PLCL1: variants seen among roughly 807,000 people sequenced by gnomAD.
The protein encoded by PLCL1 is phospholipase C like 1 (inactive), also known as inactive phospholipase C-like protein 1.
PLCL1 carries 41 observed loss-of-function variants against 84.4 expected under a neutral mutation model. The observed-to-expected ratio is 0.49, with a 90% CI of 0.38 to 0.63. The LOEUF (loss-of-function observed/expected upper bound fraction) is 0.63. Among genes scored for constraint, PLCL1 ranks in the 30% least tolerant of loss-of-function variants. The pLI, the probability that PLCL1 is intolerant of heterozygous loss-of-function variation, is 0.00. For synonymous variants in PLCL1, 490 were observed against 488.3 expected (o/e 1.00, Z -0.05); for missense variants, 1,206 against 1,367.8 (o/e 0.88, Z 1.87).
chr2:198,042,413 C>T (rs1198210033), intron 1 of PLCL1, among the ~76,000 whole-genome samples: 2 of 152,138 alleles, frequency 1.3e-5, no homozygotes, highest in African/African-American at 4.8e-5. Context: ...AGCACACCAG[C>T]TGAACCGGAA....
chr2:198,115,591 G>A (rs1426966544), intron 5 of PLCL1, among the ~76,000 whole-genome samples: 12 of 151,822 alleles, frequency 7.9e-5, no homozygotes, highest in African/African-American at 1.2e-4. Flanking sequence ...ATATACCTGA[G>A]ACTGGTTACT....
At chr2:197,880,037 C>A (rs1223554169) in intron 1 of PLCL1, among the ~76,000 whole-genome samples, 1 of 152,118 alleles carries the variant, frequency 6.6e-6, no homozygotes, top group Non-Finnish European at 1.5e-5. Context: ...AATTAGAATG[C>A]ATAAAAGCTC....
intron 1 of PLCL1, among the ~76,000 whole-genome samples, chr2:198,014,661 A>T (rs1690949286): frequency 1.3e-5 from 2 of 152,158 alleles, no homozygotes; most frequent in South Asian, 4.1e-4. Context: ...ATGCAACAGC[A>T]TCTGTAATGA....
chr2:198,073,651 A>G (rs1692512805), intron 1 of PLCL1, among the ~76,000 whole-genome samples: 1 of 152,210 alleles, frequency 6.6e-6, no homozygotes, highest in Admixed American at 6.5e-5. Flanking sequence ...TGTATTTTAT[A>G]TGTGGTTCAG....
At chr2:197,812,237 T>C (rs1690601750) in intron 1 of PLCL1, among the ~76,000 whole-genome samples, 1 of 152,232 alleles carries the variant, frequency 6.6e-6, no homozygotes, top group Admixed American at 6.5e-5. Context: ...TTCCATGTTT[T>C]TGCTATTGTG....
intron 1 of PLCL1, among the ~76,000 whole-genome samples, chr2:197,868,282 T>A (rs1221986331): frequency 1.3e-5 from 2 of 152,192 alleles, no homozygotes; most frequent in Admixed American, 6.6e-5. Context: ...TATTTACTAA[T>A]GGTAGATTAC....
At chr2:197,809,854 G>A (rs148507744) in intron 1 of PLCL1, among the ~76,000 whole-genome samples, 2,696 of 151,174 alleles carry the variant, frequency 0.018, 41 homozygotes, top group Non-Finnish European at 0.025. Context: ...AAATAGGGAC[G>A]GTTATGAAGG....
intron 1 of PLCL1, among the ~76,000 whole-genome samples, chr2:197,910,609 C>T (rs897051811): frequency 6.6e-6 from 1 of 152,234 alleles, no homozygotes; most frequent in Non-Finnish European, 1.5e-5. Flanking sequence ...GAAGCAGAAT[C>T]TTCATCCTAT....
chr2:197,811,844 T>C (rs1690594405), intron 1 of PLCL1, among the ~76,000 whole-genome samples: 1 of 152,226 alleles, frequency 6.6e-6, no homozygotes. Flanking sequence ...TCAGGGGGTG[T>C]ACATGTGTAA....
intron 1 of PLCL1, among the ~76,000 whole-genome samples, chr2:197,866,006 T>G (rs1386997189): frequency 4.7e-5 from 3 of 63,258 alleles, no homozygotes; most frequent in African/African-American, 2.2e-4. Flanking sequence ...TGAGAACCTA[T>G]CTCCAAAAAA....
At chr2:197,961,651 G>A (rs980429651) in intron 1 of PLCL1, among the ~76,000 whole-genome samples, 5 of 144,608 alleles carry the variant, frequency 3.5e-5, no homozygotes, top group Non-Finnish European at 6.1e-5. Context: ...ATTAATATTT[G>A]GCTCAGACAA....
chr2:198,008,630 T>C (rs942670985), intron 1 of PLCL1, among the ~76,000 whole-genome samples: 4 of 152,040 alleles, frequency 2.6e-5, no homozygotes, highest in African/African-American at 9.7e-5. Context: ...ACTGCTTCTA[T>C]CTCTTGGCTA....
chr2:198,003,024 T>G (rs1490086251), intron 1 of PLCL1, among the ~76,000 whole-genome samples: 2 of 152,134 alleles, frequency 1.3e-5, no homozygotes, highest in Non-Finnish European at 2.9e-5. Flanking sequence ...CTGCTCTCAT[T>G]GGTCCCTAAG....
intron 1 of PLCL1, among the ~76,000 whole-genome samples, chr2:197,959,634 C>T (rs974250354): frequency 6.6e-6 from 1 of 151,956 alleles, no homozygotes; most frequent in Non-Finnish European, 1.5e-5. Context: ...TAGTTTGGCT[C>T]ATCTAGAGTT....
intron 1 of PLCL1, among the ~76,000 whole-genome samples, chr2:197,911,250 C>T (rs1244405446): frequency 1.3e-5 from 2 of 151,942 alleles, no homozygotes; most frequent in Non-Finnish European, 2.9e-5. Flanking sequence ...GTGGGAGGAT[C>T]AACTGAGCCT....
At chr2:198,145,326 C>G (rs543706086) in intron 5 of PLCL1, among the ~76,000 whole-genome samples, 2 of 152,202 alleles carry the variant, frequency 1.3e-5, no homozygotes, top group East Asian at 3.9e-4. Flanking sequence ...ACATCTCTCA[C>G]TGACAGAGTC....
intron 1 of PLCL1, among the ~76,000 whole-genome samples, chr2:197,960,901 T>C (rs1219845420): frequency 6.6e-6 from 1 of 152,126 alleles, no homozygotes; most frequent in Non-Finnish European, 1.5e-5. Context: ...TTCATAAAAG[T>C]AATTCGGTAA....
At chr2:197,866,867 T>G (rs1687559114) in intron 1 of PLCL1, among the ~76,000 whole-genome samples, 1 of 152,202 alleles carries the variant, frequency 6.6e-6, no homozygotes, top group Admixed American at 6.5e-5. Flanking sequence ...GCATTATTGT[T>G]ATTACACTTC....
intron 1 of PLCL1, among the ~76,000 whole-genome samples, chr2:197,986,329 A>T (rs1370148855): frequency 6.6e-6 from 1 of 152,186 alleles, no homozygotes; most frequent in Non-Finnish European, 1.5e-5. Context: ...GTCTGAAGCC[A>T]TATTCCACTT....
Sources: allele counts gnomAD v4.1 joint callset (sites outside exome capture counted in the v4.1 genomes callset), GRCh38; gene constraint gnomAD v4.1.1; transcripts MANE v1.5; gene names NCBI Gene and HGNC (gene_info 2026-07-23, HGNC 2026-07-21).